The following ABCA4 variants were observed in gnomAD, a reference collection of about 807,000 sequenced individuals.
ABCA4 encodes the protein ATP binding cassette subfamily A member 4, also known as retinal-specific phospholipid-transporting ATPase ABCA4.
Under a neutral mutation model 263.7 loss-of-function variants are expected in ABCA4, and 196 were observed. The observed-to-expected ratio is 0.74, with a 90% CI of 0.66 to 0.84. ABCA4 has a LOEUF of 0.84. Ranked by LOEUF, ABCA4 falls within the 40% of genes least tolerant of loss-of-function variation. ABCA4 has a pLI of 0.00. For missense variants in ABCA4, 2,792 were observed against 2,855.1 expected (o/e 0.98, Z 0.50); for synonymous variants, 1,133 against 1,094.2 (o/e 1.04, Z -0.70).
intron 19 of ABCA4, among the ~76,000 whole-genome samples, chr1:94,046,706 C>A (rs1347579053): frequency 6.6e-6 from 1 of 152,140 alleles, no homozygotes; most frequent in Non-Finnish European, 1.5e-5. Flanking sequence ...TTCCCCGGCA[C>A]ACAAAAGGGG....
chr1:94,051,705 A>G lies in ABCA4; in HGVS notation c.2588-7T>C. The G allele has an allele frequency of 6.2e-7, 1 of 1,607,402 alleles. No homozygotes were observed. The highest frequency in any genetic ancestry group is 8.5e-7 in the Non-Finnish European group (1 of 1,173,894). Reference sequence around the variant, plus strand: ...AGTGGGGTTCCATAGTCTCCTAAAAATAGAGACAAATAAACAGAGAAAGTC... The same window carrying G: ...AGTGGGGTTCCATAGTCTCCTAAAAGTAGAGACAAATAAACAGAGAAAGTC... On this transcript the variant is annotated splice_polypyrimidine_tract_variant and splice_region_variant and intron_variant, in intron 16 of 49. Transcript: ENST00000370225.
At chr1:94,080,442 A>G (rs759174402) in intron 8 of ABCA4, 36 bp downstream of exon 8, 1 of 1,613,714 alleles carries the variant, frequency 6.2e-7, no homozygotes, top group East Asian at 2.2e-5. Context: ...AACCAACATG[A>G]GAGGCCAATT....
At chr1:94,054,301 G>A (rs1429830128) in intron 16 of ABCA4, among the ~76,000 whole-genome samples, 1 of 152,190 alleles carries the variant, frequency 6.6e-6, no homozygotes, top group Admixed American at 6.5e-5. Flanking sequence ...TCTACTAAGG[G>A]CAGAGAGTCA....
chr1:94,103,010 C>A lies in ABCA4; in HGVS notation c.570+5G>T, dbSNP rs1014460684. 1.9e-6 allele frequency: 3 copies of A among 1,614,056 alleles called. No homozygotes were observed. Among genetic ancestry groups the A allele is most frequent in the Non-Finnish European group, 1.7e-6 (2 of 1,180,030 alleles). On this transcript the variant is annotated splice_donor_5th_base_variant and intron_variant, in intron 5 of 49. Transcript: ENST00000370225. ...AGGGACCACTGGCCAGTGACATCCC[C>A]CTACCTGCTCTGGACGGACTTGAGA...
At chr1:94,022,157 T>C (rs1283485343) in intron 32 of ABCA4, among the ~76,000 whole-genome samples, 1 of 152,220 alleles carries the variant, frequency 6.6e-6, no homozygotes, top group Non-Finnish European at 1.5e-5. Flanking sequence ...TCCTGGCCTC[T>C]GAGGCCCTTC....
Position 93,993,095 on chromosome 1 carries a change from A to G in ABCA4, c.*142T>C. The G allele has an allele frequency of 3.7e-6, 4 of 1,095,528 alleles. No individual in the cohort carries two copies. The highest frequency in any genetic ancestry group is 1.3e-5 in the South Asian group (1 of 74,600). 67.9% of individuals were successfully genotyped at this position (1,095,528 alleles called of 1,614,324 possible). On this transcript the variant is annotated 3_prime_UTR_variant, in exon 50 of 50. Coordinates refer to ENST00000370225, the MANE Select transcript of ABCA4 (RefSeq NM_000350.3). The stretch of plus-strand genomic sequence containing the variant: ...AAAGACCTCTTTCTGAATTCGCTGC[A>G]TGCTCCTCGTGTGTTTGTTTTCTGC...
At chr1:94,007,898 C>T (rs1245247780) in intron 42 of ABCA4, 158 bp from the exon 43 acceptor site, 1 of 719,640 alleles carries the variant, frequency 1.4e-6, no homozygotes, top group South Asian at 1.5e-5. Context: ...ACTTGAAACA[C>T]ATCTAAGTCC....
rs765707028 is a variant in ABCA4 at position 94,079,321 on chromosome 1, C to G, written c.1239+1G>C. ...CAAGGCAAGCCCAGCTGGGATCTTA[C>G]ATTCTTCAGTATCCTTCGTGCTGCA... is the stretch of plus-strand genomic sequence containing the variant. On this transcript the variant is annotated splice_donor_variant, in intron 9 of 49. Coordinates refer to ENST00000370225, the MANE Select transcript of ABCA4 (RefSeq NM_000350.3). LOFTEE classifies it high-confidence loss of function. 2 of 1,614,068 alleles carry G rather than the reference C, an allele frequency of 1.2e-6. No individual in the cohort carries two copies. The highest frequency in any genetic ancestry group is 1.3e-5 in the African/African-American group (1 of 74,922).
chr1:94,023,565 G>T, intron 31 of ABCA4, 147 bp from the exon 32 acceptor site: 1 of 725,984 alleles, frequency 1.4e-6, no homozygotes, highest in Non-Finnish European at 2.5e-6. Flanking sequence ...TGCGGAAGCC[G>T]CCCAGCCCTG....
chr1:94,102,501 C>T (rs1662310134), intron 5 of ABCA4, among the ~76,000 whole-genome samples: 1 of 151,914 alleles, frequency 6.6e-6, no homozygotes, highest in Non-Finnish European at 1.5e-5. Flanking sequence ...CTTAAACCTG[C>T]CCCTCCGTCC....
At chr1:94,057,708 A>G (rs1378973835) in intron 14 of ABCA4, among the ~76,000 whole-genome samples, 1 of 152,224 alleles carries the variant, frequency 6.6e-6, no homozygotes, top group Admixed American at 6.5e-5. Flanking sequence ...TGAATCAATC[A>G]CTTTGGCTAT....
intron 11 of ABCA4, among the ~76,000 whole-genome samples, chr1:94,076,097 C>T (rs977553416): frequency 6.6e-6 from 1 of 152,154 alleles, no homozygotes; most frequent in Non-Finnish European, 1.5e-5. Context: ...ACTTTTCTAC[C>T]TTGTGTTTCT....
chr1:94,051,876 T>C (rs532535423), intron 16 of ABCA4, among the ~76,000 whole-genome samples, 178 bp from the exon 17 acceptor site: 42 of 152,302 alleles, frequency 2.8e-4, no homozygotes, highest in African/African-American at 9.6e-4. Context: ...TTCCAACATA[T>C]TTTTATCCAC....
chr1:94,061,042 G>A (rs1168281307), intron 13 of ABCA4, among the ~76,000 whole-genome samples: 1 of 152,190 alleles, frequency 6.6e-6, no homozygotes, highest in Non-Finnish European at 1.5e-5. Context: ...CTATGTCAAA[G>A]ATCTTCCCTG....
At chr1:94,030,358 A>G (rs1660163587) in intron 29 of ABCA4, 70 bp downstream of exon 29, 1 of 1,422,004 alleles carries the variant, frequency 7.0e-7, no homozygotes, top group Admixed American at 1.7e-5. Flanking sequence ...AACGCCTGCC[A>G]TCTTGAACCC....
chr1:94,074,169 A>G (rs1661477745), intron 11 of ABCA4, among the ~76,000 whole-genome samples: 1 of 152,228 alleles, frequency 6.6e-6, no homozygotes, highest in Admixed American at 6.5e-5. Flanking sequence ...AAACAGACAC[A>G]TAGACCAATG....
At chr1:94,053,094 T>C (rs997758461) in intron 16 of ABCA4, among the ~76,000 whole-genome samples, 1 of 152,204 alleles carries the variant, frequency 6.6e-6, no homozygotes, top group Non-Finnish European at 1.5e-5. Flanking sequence ...CACTTTGAGG[T>C]GCTGGGAGAG....
At position 94,117,026 on chromosome 1, in the gene ABCA4, C is replaced by CTTT. The variant is rs1557812450; in HGVS notation, c.66+3953_66+3954insAAA. Among the ~76,000 whole-genome samples the CTTT allele has an allele frequency of 8.9e-3, 641 of 71,878 alleles. 3 individuals are homozygous for CTTT. The highest frequency in any genetic ancestry group is 0.031 in the Middle Eastern group (5 of 162). The allele number at this position is 71,878 out of a possible 152,430, so 47.2% of individuals were successfully genotyped here. A position where few individuals can be genotyped will look rare whatever the true frequency, so the allele number is the denominator to read the frequency against. On this transcript the variant is annotated intron_variant, in intron 1 of 49. Transcript: ENST00000370225. ...TCTTTCTTTCTTTCTTTCTTTCTTT[C>CTTT]CTTTTCTTTCTTTCTTCTTCTTTCC...
chr1:94,018,011 G>A lies in ABCA4; in HGVS notation c.5196+1571C>T, dbSNP rs74467028. ...CCTAAGTTCCAAAATGATGGATCGC[G>A]GAGGTGAGATTCCAGGCCAGCTTTA... On this transcript the variant is annotated intron_variant, in intron 36 of 49. Transcript: ENST00000370225. Among the ~76,000 whole-genome samples the A allele has an allele frequency of 9.0e-3, 1,375 of 152,144 alleles. 21 individuals carry two copies. The highest frequency in any genetic ancestry group is 0.031 in the African/African-American group (1,287 of 41,494).
Sources: allele counts gnomAD v4.1 joint callset (sites outside exome capture counted in the v4.1 genomes callset), GRCh38; gene constraint gnomAD v4.1.1; transcripts MANE v1.5; gene names NCBI Gene and HGNC (gene_info 2026-07-23, HGNC 2026-07-21).